PCDH9: variants seen among roughly 807,000 people sequenced by gnomAD.
PCDH9 encodes the protein protocadherin 9.
Under a neutral mutation model 70.6 loss-of-function variants are expected in PCDH9, and 24 were observed. That is an observed-to-expected ratio of 0.34 (90% CI 0.25 to 0.48). The LOEUF is 0.48. Among genes scored for constraint, PCDH9 ranks in the 20% least tolerant of loss-of-function variants. PCDH9 has a pLI of 0.99. For missense variants in PCDH9, 1,281 were observed against 1,503.6 expected, an observed-to-expected ratio of 0.85 and a Z score of 2.45; for synonymous variants, 562 against 558.5, an observed-to-expected ratio of 1.01 and a Z score of -0.09.
intron 2 of PCDH9, among the ~76,000 whole-genome samples, chr13:67,093,835 T>G (rs1279276776): frequency 2.6e-5 from 4 of 152,168 alleles, no homozygotes; most frequent in African/African-American, 9.7e-5. Flanking sequence ...AAGTCAATAT[T>G]ACTAACAAGT....
chr13:67,154,595 A>AAAAAAATATATATATAT (rs1555313195), intron 2 of PCDH9, among the ~76,000 whole-genome samples: 2 of 88,990 alleles, frequency 2.2e-5, no homozygotes, highest in African/African-American at 9.0e-5. Flanking sequence ...AAAAAAAAAA[A>AAAAAAATATATATATAT]ATATATATAT....
chr13:66,802,344 T>C (rs1742029442), intron 3 of PCDH9, among the ~76,000 whole-genome samples: 2 of 152,068 alleles, frequency 1.3e-5, no homozygotes, highest in South Asian at 4.1e-4. Context: ...TGTTGATTCA[T>C]ACAGGATAGT....
chr13:66,974,422 T>C (rs1205663572), intron 2 of PCDH9, among the ~76,000 whole-genome samples: 1 of 151,994 alleles, frequency 6.6e-6, no homozygotes, highest in Non-Finnish European at 1.5e-5. Flanking sequence ...AAGTTTCAGC[T>C]TTCAACTATA....
At chr13:66,584,623 G>A (rs1399607794) in intron 4 of PCDH9, among the ~76,000 whole-genome samples, 1 of 151,880 alleles carries the variant, frequency 6.6e-6, no homozygotes, top group Non-Finnish European at 1.5e-5. Flanking sequence ...AGATCATTTC[G>A]AACTCTGGAA....
intron 2 of PCDH9, among the ~76,000 whole-genome samples, chr13:67,163,956 G>C (rs1333112811): frequency 6.6e-6 from 1 of 152,016 alleles, no homozygotes; most frequent in Non-Finnish European, 1.5e-5. Context: ...TTTATGAAGG[G>C]AATACATGGC....
chr13:67,134,554 T>C (rs1221378482), intron 2 of PCDH9, among the ~76,000 whole-genome samples: 1 of 152,122 alleles, frequency 6.6e-6, no homozygotes, highest in Non-Finnish European at 1.5e-5. Context: ...CCTTTTCCTC[T>C]ACCCATACGC....
At chr13:66,545,106 T>C (rs1172535883) in intron 4 of PCDH9, among the ~76,000 whole-genome samples, 1 of 152,196 alleles carries the variant, frequency 6.6e-6, no homozygotes, top group Non-Finnish European at 1.5e-5. Context: ...TAAGACTACA[T>C]GATTACATTG....
chr13:66,612,834 T>A (rs550631443), intron 4 of PCDH9, among the ~76,000 whole-genome samples: 1 of 152,256 alleles, frequency 6.6e-6, no homozygotes, highest in South Asian at 2.1e-4. Flanking sequence ...TGCTTTTTTT[T>A]TTCCTTTTCA....
At chr13:66,337,125 C>T (rs778542132) in intron 4 of PCDH9, among the ~76,000 whole-genome samples, 73 of 151,736 alleles carry the variant, frequency 4.8e-4, no homozygotes, top group Non-Finnish European at 9.0e-4. Context: ...CTTATAAAAG[C>T]ACTATAGGAA....
At chr13:66,631,560 A>C in intron 3 of PCDH9, 149 bp from the exon 4 acceptor site, 1 of 590,854 alleles carries the variant, frequency 1.7e-6, no homozygotes, top group Non-Finnish European at 3.0e-6. Context: ...ACAAGTATTA[A>C]TTACTTGCCA....
At chr13:66,517,201 T>C (rs1959778982) in intron 4 of PCDH9, among the ~76,000 whole-genome samples, 1 of 152,174 alleles carries the variant, frequency 6.6e-6, no homozygotes, top group African/African-American at 2.4e-5. Context: ...GAACAATTTT[T>C]AGAAATTTAT....
At chr13:66,698,301 A>T (rs1437300848) in intron 3 of PCDH9, among the ~76,000 whole-genome samples, 2 of 152,146 alleles carry the variant, frequency 1.3e-5, no homozygotes, top group African/African-American at 4.8e-5. Context: ...GTACCACAAC[A>T]AAAAAATACC....
chr13:66,479,158 G>C (rs1188776291), intron 4 of PCDH9, among the ~76,000 whole-genome samples: 1 of 152,294 alleles, frequency 6.6e-6, no homozygotes, highest in East Asian at 1.9e-4. Flanking sequence ...TATCTTTTGA[G>C]AGCATGGTTT....
At chr13:66,308,954 T>C (rs1955517675) in intron 4 of PCDH9, among the ~76,000 whole-genome samples, 1 of 152,088 alleles carries the variant, frequency 6.6e-6, no homozygotes, top group South Asian at 2.1e-4. Flanking sequence ...AATAATCTGC[T>C]TCTCTGCTGT....
chr13:66,583,124 T>C lies in PCDH9; in HGVS notation c.3340+48086A>G, dbSNP rs568610013. ...ATGCTTTTTTTTTTTTTTTAATGCA[T>C]TGGTTCATTTTGGCGTCATGAACTA... On this transcript the variant is annotated intron_variant, in intron 4 of 4. Coordinates refer to ENST00000377865, the MANE Select transcript of PCDH9 (RefSeq NM_203487.3). 1.1e-4 allele frequency among the ~76,000 whole-genome samples: 16 copies of C among 151,708 alleles called. 1 individual carries two copies. The South Asian group carries it at 3.4e-3, about 32-fold the overall frequency.
intron 3 of PCDH9, among the ~76,000 whole-genome samples, chr13:66,675,197 C>G (rs2078226610): frequency 1.3e-5 from 2 of 152,036 alleles, no homozygotes; most frequent in Non-Finnish European, 2.9e-5. Flanking sequence ...TTTCAATTCT[C>G]TAAGCTAAAG....
chr13:66,773,705 A>G lies in PCDH9; in HGVS notation c.3138+129799T>C, dbSNP rs557477756. Among the ~76,000 whole-genome samples the G allele has an allele frequency of 1.4e-3, 205 of 151,830 alleles. 1 individual carries two copies. The highest frequency in any genetic ancestry group is 5.0e-3 in the South Asian group (24 of 4,820). ...AATAAACATAAATCTAAACAACCAC[A>G]TGTGACTAGTGGCTACTGTATTAGA... On this transcript the variant is annotated intron_variant, in intron 3 of 4. Transcript: ENST00000377865.
intron 4 of PCDH9, among the ~76,000 whole-genome samples, chr13:66,367,338 C>A (rs1205785861): frequency 6.6e-6 from 1 of 152,078 alleles, no homozygotes; most frequent in African/African-American, 2.4e-5. Flanking sequence ...GTAACAGACA[C>A]TCTGTTTGCA....
intron 2 of PCDH9, among the ~76,000 whole-genome samples, chr13:67,078,642 G>T (rs1206654588): frequency 1.3e-5 from 2 of 151,852 alleles, no homozygotes; most frequent in Admixed American, 6.6e-5. Context: ...TTTCCAACTT[G>T]TGAACTTTTA....
Sources: allele counts gnomAD v4.1 joint callset (sites outside exome capture counted in the v4.1 genomes callset), GRCh38; gene constraint gnomAD v4.1.1; transcripts MANE v1.5; gene names NCBI Gene and HGNC (gene_info 2026-07-23, HGNC 2026-07-21).